DOCK1: variants seen among roughly 807,000 people sequenced by gnomAD.
The protein encoded by DOCK1 is dedicator of cytokinesis protein 1.
DOCK1 carries 138 observed loss-of-function variants against 262.7 expected under a neutral mutation model. The observed-to-expected ratio is 0.53, with a 90% confidence interval of 0.46 to 0.61. The LOEUF is 0.61. Ranked by LOEUF, DOCK1 falls within the 20% of genes least tolerant of loss-of-function variation. DOCK1 has a pLI of 0.00. For missense variants in DOCK1, 1,908 were observed against 2,370.7 expected (o/e 0.80, Z 4.05); for synonymous variants, 866 against 867.4 (o/e 1.00, Z 0.03).
intron 27 of DOCK1, among the ~76,000 whole-genome samples, chr10:127,233,063 TA>T (rs1590050811): frequency 6.6e-6 from 1 of 152,222 alleles, no homozygotes; most frequent in African/African-American, 2.4e-5. Context: ...GGTCCCTTTT[TA>T]ATTTTATGTA....
chr10:126,977,859 C>T, intron 2 of DOCK1, 89 bp from the exon 3 acceptor site: 1 of 1,314,736 alleles, frequency 7.6e-7, no homozygotes, highest in Non-Finnish European at 1.1e-6. Context: ...CTGGTTCTGC[C>T]AAACAGTGAG....
At chr10:127,433,210 T>C (rs1356586417) in intron 47 of DOCK1, 73 bp from the exon 48 acceptor site, 26 of 1,582,844 alleles carry the variant, frequency 1.6e-5, no homozygotes, top group Non-Finnish European at 2.2e-5. Flanking sequence ...CTAAGGCCAC[T>C]TTATCTCAGG....
intron 35 of DOCK1, 92 bp from the exon 36 acceptor site, chr10:127,379,990 A>G: frequency 1.1e-6 from 1 of 897,910 alleles, no homozygotes; most frequent in African/African-American, 1.7e-5. Context: ...GCTGTGTTTG[A>G]CACAAGATGA....
rs1282213064 is a variant in DOCK1 at position 127,012,083 on chromosome 10, C to T, written c.1059-149C>T. On this transcript the variant is annotated intron_variant, in intron 11 of 51. Coordinates refer to ENST00000623213, the MANE Select transcript of DOCK1 (RefSeq NM_001290223.2). The surrounding 1 kb of genome is among the most constrained non-coding windows in gnomAD (Gnocchi z 4.0). ...CAATGCTTTTCCCTGTTTCTCTTGT[C>T]ACCTCTCCCATCCTTTGTCGTGCGT... 13 of 611,012 alleles carry T rather than the reference C, an allele frequency of 2.1e-5. No individual in the cohort carries two copies. Among genetic ancestry groups the T allele is most frequent in the African/African-American group, 3.7e-5 (2 of 53,944 alleles). The allele number at this position is 611,012 out of a possible 1,614,324, so 37.8% of individuals were successfully genotyped here. A position where few individuals can be genotyped will look rare whatever the true frequency, so the allele number is the denominator to read the frequency against.
In DOCK1 at chr10:127,311,472, C is replaced by A. The variant is rs1036125314; in HGVS notation, c.3045-27534C>A. Among the ~76,000 whole-genome samples the A allele has an allele frequency of 2.0e-5, 3 of 152,280 alleles. No individual in the cohort carries two copies. The East Asian group carries it at 5.8e-4, about 29-fold the overall frequency. On this transcript the variant is annotated intron_variant, in intron 29 of 51. Coordinates refer to ENST00000623213, the MANE Select transcript of DOCK1 (RefSeq NM_001290223.2). ...TCCAAACTGTTCCAGTGAGCATTTC[C>A]TGTGAATGTTATGTCAGTGCTCAAA... is the stretch of plus-strand genomic sequence containing the variant.
At position 127,034,983 on chromosome 10, in the gene DOCK1, G is replaced by T. The variant is rs2043495742; in HGVS notation, c.1912+2663G>T. ...AGAGTAATCCCCTCCCCAGACTGAG[G>T]GAGAGGGCACCCTGCTCTCAGCAGC... On this transcript the variant is annotated intron_variant, in intron 18 of 51. Transcript: ENST00000623213. Among the ~76,000 whole-genome samples the T allele has an allele frequency of 2.0e-5, 3 of 152,178 alleles. No individual in the cohort carries two copies. The South Asian group carries it at 6.2e-4, about 32-fold the overall frequency.
chr10:126,980,849 G>C (rs2038914472), intron 3 of DOCK1, among the ~76,000 whole-genome samples: 1 of 152,032 alleles, frequency 6.6e-6, no homozygotes, highest in Non-Finnish European at 1.5e-5. Context: ...GGGCTGCGTT[G>C]CACTGCCCAA....
At chr10:127,121,494 TGTCC>T (rs1168916145) in intron 25 of DOCK1, among the ~76,000 whole-genome samples, 8 of 152,058 alleles carry the variant, frequency 5.3e-5, no homozygotes, top group East Asian at 1.9e-4. Context: ...TCCGTCTGTC[TGTCC>T]ATCTGTCTGT....
At chr10:127,289,727 G>A (rs945173451) in intron 29 of DOCK1, among the ~76,000 whole-genome samples, 3 of 151,944 alleles carry the variant, frequency 2.0e-5, no homozygotes, top group African/African-American at 7.3e-5. Flanking sequence ...TTTCTATACT[G>A]CTTAGAGTTT....
At chr10:127,202,792 G>A (rs1336334226) in intron 27 of DOCK1, among the ~76,000 whole-genome samples, 2 of 152,196 alleles carry the variant, frequency 1.3e-5, no homozygotes, top group East Asian at 3.9e-4. Context: ...CACAGATGTG[G>A]ATCAGAGAAC....
chr10:127,176,424 G>C lies in DOCK1; in HGVS notation c.2847+48660G>C. 1 of 1,558,106 alleles carries C rather than the reference G, an allele frequency of 6.4e-7. No homozygotes were observed. On this transcript the variant is annotated intron_variant, in intron 27 of 51. Transcript: ENST00000623213. This position sits in a 1 kb window ranked among gnomAD's most constrained non-coding sequence, Gnocchi z 4.4. ...TCCTGCATTCAGAAACAGCAACAGA[G>C]GTGTCAGTGGGACAGAAATACACAC...
chr10:127,308,351 G>A (rs1259758718), intron 29 of DOCK1, among the ~76,000 whole-genome samples: 1 of 152,226 alleles, frequency 6.6e-6, no homozygotes, highest in African/African-American at 2.4e-5. Flanking sequence ...TGGACTCAGT[G>A]TAGGATTCTC....
chr10:127,380,446 C>T (rs1169213281), intron 36 of DOCK1, among the ~76,000 whole-genome samples: 3 of 152,072 alleles, frequency 2.0e-5, no homozygotes, highest in Non-Finnish European at 4.4e-5. Context: ...TAATGTTTCA[C>T]AGTAAGTTAT....
At chr10:127,243,909 G>A (rs985393919) in intron 27 of DOCK1, among the ~76,000 whole-genome samples, 1 of 151,970 alleles carries the variant, frequency 6.6e-6, no homozygotes, top group Admixed American at 6.6e-5. Context: ...ATGACTATCT[G>A]GTATCTTTTC....
At chr10:127,098,791 T>C (rs926292877) in intron 23 of DOCK1, among the ~76,000 whole-genome samples, 6 of 152,122 alleles carry the variant, frequency 3.9e-5, no homozygotes, top group African/African-American at 1.2e-4. Flanking sequence ...ACAGGGCAGA[T>C]GTCCCCTGCT....
At chr10:127,251,427 A>G (rs1304336162) in intron 28 of DOCK1, among the ~76,000 whole-genome samples, 1 of 151,692 alleles carries the variant, frequency 6.6e-6, no homozygotes, top group Non-Finnish European at 1.5e-5. Context: ...CATGTGCACA[A>G]TGTGCAGGTT....
At chr10:127,355,453 C>T (rs371032555) in intron 32 of DOCK1, among the ~76,000 whole-genome samples, 279 of 152,278 alleles carry the variant, frequency 1.8e-3, no homozygotes, top group African/African-American at 6.4e-3. Context: ...CTGCCGTCAG[C>T]CCTCGGGCTT....
chr10:127,303,570 G>A (rs189404607), intron 29 of DOCK1, among the ~76,000 whole-genome samples: 1 of 152,126 alleles, frequency 6.6e-6, no homozygotes, highest in East Asian at 1.9e-4. Context: ...GCTCACACCT[G>A]TAATCCCAAC....
In DOCK1 at chr10:127,448,160, C is replaced by T. The variant is rs553831623; in HGVS notation, c.5565+615C>T. Among the ~76,000 whole-genome samples the T allele has an allele frequency of 1.1e-3, 172 of 152,240 alleles. 1 individual carries two copies. The highest frequency in any genetic ancestry group is 0.011 in the Admixed American group (171 of 15,300). ...CTGGGCACCCTCCCCAGTGCTAGTT[C>T]GGGGGTGCTGACCTGGCTTCCTCCA... On this transcript the variant is annotated intron_variant, in intron 51 of 51. Coordinates refer to ENST00000623213, the MANE Select transcript of DOCK1 (RefSeq NM_001290223.2).
Sources: gnomAD v4.1 joint callset for allele counts (sites outside exome capture counted in the v4.1 genomes callset) on GRCh38, gnomAD v4.1.1 for gene constraint, Gnocchi (gnomAD v3.1) non-coding constraint, MANE v1.5 for transcripts, NCBI Gene and HGNC (gene_info 2026-07-23, HGNC 2026-07-21) for gene names.